TRABD2A: variants seen among roughly 807,000 people sequenced by gnomAD.
TRABD2A encodes the protein TraB domain containing 2A.
TRABD2A carries 43 observed loss-of-function variants against 45.6 expected under a neutral mutation model. The ratio of observed to expected loss-of-function variants is 0.94; its 90% CI spans 0.74 to 1.22. The LOEUF (loss-of-function observed/expected upper bound fraction) is 1.22. Among genes scored for constraint, TRABD2A ranks in the 50% most tolerant of loss-of-function variants. The pLI, the probability that TRABD2A is intolerant of heterozygous loss-of-function variation, is 0.00. For synonymous variants in TRABD2A, 269 were observed against 265.0 expected, an observed-to-expected ratio of 1.02 and a Z score of -0.15; for missense variants, 642 against 652.4, an observed-to-expected ratio of 0.98 and a Z score of 0.17.
chr2:84,864,143 CAGA>C (rs1161511008), intron 2 of TRABD2A, among the ~76,000 whole-genome samples: 1 of 152,032 alleles, frequency 6.6e-6, no homozygotes, highest in African/African-American at 2.4e-5. Context: ...GCAATAACTT[CAGA>C]AGAAGAATGT....
chr2:84,826,571 C>T (rs1254550317), intron 5 of TRABD2A, among the ~76,000 whole-genome samples: 1 of 152,184 alleles, frequency 6.6e-6, no homozygotes, highest in Admixed American at 6.5e-5. Context: ...CTTGCTCTGT[C>T]CCCCAGGATG....
chr2:84,870,057 G>A (rs1317266566), intron 2 of TRABD2A, among the ~76,000 whole-genome samples, 168 bp downstream of exon 2: 1 of 150,162 alleles, frequency 6.7e-6, no homozygotes, highest in Non-Finnish European at 1.5e-5. Context: ...ACTCAAATAA[G>A]TGATATAACT....
chr2:84,852,517 A>G (rs1361348907), intron 2 of TRABD2A, among the ~76,000 whole-genome samples: 1 of 152,148 alleles, frequency 6.6e-6, no homozygotes, highest in African/African-American at 2.4e-5. Flanking sequence ...GGTGGCCAGA[A>G]TGACCATGAG....
rs570811500 is a variant in TRABD2A at position 84,840,279 on chromosome 2, C to A, written c.817-956G>T. On this transcript the variant is annotated intron_variant, in intron 3 of 6. Coordinates refer to ENST00000409520, the MANE Select transcript of TRABD2A (RefSeq NM_001277053.2). The stretch of plus-strand genomic sequence containing the variant: ...CGACAGCCTTCATCTTCTACTCTGT[C>A]ATCTTTTTTTTTAATCATGTCATTT... Among the ~76,000 whole-genome samples, 4 of 152,268 alleles carry A rather than the reference C, an allele frequency of 2.6e-5. No individual in the cohort carries two copies. The South Asian group carries it at 8.3e-4, about 32-fold the overall frequency.
intron 2 of TRABD2A, 131 bp downstream of exon 2, chr2:84,870,094 C>G: frequency 3.1e-6 from 3 of 977,588 alleles, no homozygotes; most frequent in Non-Finnish European, 4.5e-6. Context: ...TTTTAACCCC[C>G]GGAAAAGCAT....
chr2:84,870,820 T>G (rs1253127830), intron 1 of TRABD2A, 35 bp from the exon 2 acceptor site: 42 of 1,513,580 alleles, frequency 2.8e-5, no homozygotes, highest in Non-Finnish European at 3.5e-5. Context: ...AGGTATAATA[T>G]GGGGGAGAGG....
chr2:84,835,429 T>G (rs77937974), intron 4 of TRABD2A: 9 of 151,842 alleles, frequency 5.9e-5, no homozygotes, highest in African/African-American at 9.7e-5. Flanking sequence ...TTTTTTTTTT[T>G]AATACAGAGA....
chr2:84,838,099 G>A, intron 4 of TRABD2A: 1 of 638,294 alleles, frequency 1.6e-6, no homozygotes, highest in South Asian at 1.9e-5. Flanking sequence ...GGAACTATTG[G>A]ACATGTCAAA....
chr2:84,823,825 G>A (rs1681063903), intron 6 of TRABD2A, 128 bp downstream of exon 6: 1 of 1,313,450 alleles, frequency 7.6e-7, no homozygotes, highest in Non-Finnish European at 1.0e-6. Context: ...AGGGTGCCTG[G>A]GGTCATGAGG....
At chr2:84,854,648 C>A (rs1682212224) in intron 2 of TRABD2A, among the ~76,000 whole-genome samples, 1 of 152,138 alleles carries the variant, frequency 6.6e-6, no homozygotes, top group Admixed American at 6.5e-5. Context: ...TGGTGCCTCC[C>A]AGGCCTCTAA....
chr2:84,844,514 G>C (rs1193965848), intron 2 of TRABD2A, among the ~76,000 whole-genome samples: 1 of 152,158 alleles, frequency 6.6e-6, no homozygotes, highest in Non-Finnish European at 1.5e-5. Context: ...GAACAGACTG[G>C]TACATGTGGG....
At chr2:84,835,799 A>C (rs557692597) in intron 4 of TRABD2A, 2 of 152,232 alleles carry the variant, frequency 1.3e-5, no homozygotes, top group Non-Finnish European at 2.9e-5. Context: ...GGGCAAAAAA[A>C]TAGCCTACAC....
At chr2:84,848,351 TAGATAGATAGATAGATAGATAGATAGAC>T (rs1160058827) in intron 2 of TRABD2A, among the ~76,000 whole-genome samples, 1 of 131,632 alleles carries the variant, frequency 7.6e-6, no homozygotes, top group East Asian at 2.3e-4. Context: ...GATAGATAGA[TAGATAGATAGATAGATAGATAGATAGAC>T]AGACAGACAG....
intron 2 of TRABD2A, among the ~76,000 whole-genome samples, chr2:84,858,914 T>G (rs7593934): frequency 6.6e-6 from 1 of 152,010 alleles, no homozygotes; most frequent in Non-Finnish European, 1.5e-5. Context: ...GATCTTTAGA[T>G]GCCAGGAGTT....
intron 4 of TRABD2A, chr2:84,836,670 T>C (rs1394618882): frequency 6.6e-6 from 1 of 152,206 alleles, no homozygotes; most frequent in Non-Finnish European, 1.5e-5. Flanking sequence ...TCCCGTTAGG[T>C]ATACATTGGC....
intron 5 of TRABD2A, among the ~76,000 whole-genome samples, chr2:84,831,823 C>T (rs1405751304): frequency 6.6e-6 from 1 of 152,208 alleles, no homozygotes; most frequent in Non-Finnish European, 1.5e-5. Flanking sequence ...GAGGAAAACG[C>T]CAGTGTGGCC....
intron 2 of TRABD2A, among the ~76,000 whole-genome samples, chr2:84,863,237 A>ATTTTTTTTTTTTTTTT (rs1559095739): frequency 4.6e-5 from 6 of 129,526 alleles, no homozygotes; most frequent in Admixed American, 1.5e-4. Context: ...CTTCATGTGA[A>ATTTTTTTTTTTTTTTT]TCTTTTTTTT....
chr2:84,859,958 G>A (rs1010056939), intron 2 of TRABD2A, among the ~76,000 whole-genome samples: 22 of 151,350 alleles, frequency 1.5e-4, no homozygotes, highest in African/African-American at 4.4e-4. Context: ...ATGGGGGGGG[G>A]TCTCACTATG....
At chr2:84,856,456 C>T (rs1198210347) in intron 2 of TRABD2A, among the ~76,000 whole-genome samples, 4 of 152,120 alleles carry the variant, frequency 2.6e-5, no homozygotes, top group Non-Finnish European at 5.9e-5. Flanking sequence ...CCACACACTT[C>T]TTTGGATGTC....
Sources: gnomAD v4.1 joint callset for allele counts (sites outside exome capture counted in the v4.1 genomes callset) on GRCh38, gnomAD v4.1.1 for gene constraint, MANE v1.5 for transcripts, NCBI Gene and HGNC (gene_info 2026-07-23, HGNC 2026-07-21) for gene names.